Variants in SLC36A2 observed in about 807,000 individuals in gnomAD.
SLC36A2 encodes the protein solute carrier family 36 member 2.
SLC36A2 carries 39 observed loss-of-function variants against 42.7 expected under a neutral mutation model. That is an observed-to-expected ratio of 0.91 (90% CI 0.71 to 1.19). The LOEUF (loss-of-function observed/expected upper bound fraction) is 1.19, where lower values mean the gene tolerates loss of function less well. Ranked by LOEUF, SLC36A2 falls within the 50% of genes most tolerant of loss-of-function variation. The pLI is 0.00. For missense variants in SLC36A2, 590 were observed against 613.7 expected (o/e 0.96, Z 0.41); for synonymous variants, 237 against 240.8 (o/e 0.98, Z 0.15).
intron 8 of SLC36A2, among the ~76,000 whole-genome samples, chr5:151,323,653 G>A (rs1561652051): frequency 6.6e-6 from 1 of 152,190 alleles, no homozygotes; most frequent in Non-Finnish European, 1.5e-5. Flanking sequence ...TTTCCCTGTT[G>A]TCTCCTTCCG....
rs80335201 is a variant in SLC36A2 at position 151,319,159 on chromosome 5, C to G, written c.1181-2071G>C. 461 of 974,024 alleles carry G rather than the reference C, an allele frequency of 4.7e-4. 3 individuals carry two copies. In the African/African-American group the frequency reaches 7.7e-3, roughly 16 times the overall value. 60.3% of individuals were successfully genotyped at this position (974,024 alleles called of 1,614,324 possible). On this transcript the variant is annotated intron_variant, in intron 9 of 9. Transcript: ENST00000335244. ...CTTCAATGAGATTTTTCATGTAAAG[C>G]ATTCAGAAAAGTTATCTTTGCTATT... is the stretch of plus-strand genomic sequence containing the variant.
chr5:151,339,245 T>G, intron 4 of SLC36A2, 101 bp from the exon 5 acceptor site: 1 of 828,516 alleles, frequency 1.2e-6, no homozygotes, highest in Non-Finnish European at 2.0e-6. Context: ...AGGGATTGGT[T>G]GCCCTGTACC....
At chr5:151,318,625 T>C (rs1027374014) in intron 9 of SLC36A2, among the ~76,000 whole-genome samples, 2 of 147,122 alleles carry the variant, frequency 1.4e-5, no homozygotes, top group Admixed American at 6.8e-5. Context: ...TATAAATAAA[T>C]AAATTATTTT....
chr5:151,345,966 C>A (rs1348540404), intron 1 of SLC36A2, among the ~76,000 whole-genome samples: 1 of 152,202 alleles, frequency 6.6e-6, no homozygotes, highest in Non-Finnish European at 1.5e-5. Context: ...GAAGTTCCAG[C>A]ATTTGCTCTA....
At chr5:151,334,361 G>A (rs573117193) in intron 6 of SLC36A2, among the ~76,000 whole-genome samples, 86 of 152,080 alleles carry the variant, frequency 5.7e-4, no homozygotes, top group African/African-American at 2.0e-3. Flanking sequence ...AGGGGCTTCT[G>A]AGACTTAACT....
intron 4 of SLC36A2, among the ~76,000 whole-genome samples, chr5:151,339,533 C>T (rs1299808282): frequency 1.3e-5 from 2 of 152,202 alleles, no homozygotes; most frequent in South Asian, 2.1e-4. Context: ...TGATCTCGAT[C>T]TCCCGACCTC....
chr5:151,339,037 C>A (rs1275359835), intron 5 of SLC36A2, 23 bp downstream of exon 5: 1 of 1,573,210 alleles, frequency 6.4e-7, no homozygotes, highest in Non-Finnish European at 8.7e-7. Flanking sequence ...TTTTCCCCTC[C>A]CGTTTTCTCT....
At position 151,316,140 on chromosome 5, in the gene SLC36A2, G is replaced by C. The variant is rs1479912816; in HGVS notation, c.*677C>G. The C allele has an allele frequency of 6.6e-6, 1 of 152,416 alleles. No homozygotes were observed. The highest frequency in any genetic ancestry group is 2.4e-5 in the African/African-American group (1 of 41,440). 9.4% of individuals were successfully genotyped at this position (152,416 alleles called of 1,614,324 possible). A position where few individuals can be genotyped will look rare whatever the true frequency, so the allele number is the denominator to read the frequency against. ...GGGAAAACCGGTTGTCTGCCAAAGT[G>C]TGGACAGTCTTAGCTGGCTGCATCT... On this transcript the variant is annotated 3_prime_UTR_variant, in exon 10 of 10. Coordinates refer to ENST00000335244, the MANE Select transcript of SLC36A2 (RefSeq NM_181776.3).
chr5:151,316,795 T>TA lies in SLC36A2; in HGVS notation c.*21dup. ...CATATAATTAAAAGTCGGGTGCTGG[T>TA]AGGCAAGGAGCAGTGCCAGGCTCAC... On this transcript the variant is annotated 3_prime_UTR_variant, in exon 10 of 10. Transcript: ENST00000335244. The TA allele has an allele frequency of 6.3e-7, 1 of 1,596,492 alleles. No homozygotes were observed. The highest frequency in any genetic ancestry group is 8.5e-7 in the Non-Finnish European group (1 of 1,170,224).
At chr5:151,333,400 A>G (rs1235672165) in intron 6 of SLC36A2, 78 bp from the exon 7 acceptor site, 2 of 1,217,722 alleles carry the variant, frequency 1.6e-6, no homozygotes, top group Non-Finnish European at 2.4e-6. Flanking sequence ...GTACTCTGAA[A>G]TGAGACCTGA....
intron 5 of SLC36A2, among the ~76,000 whole-genome samples, chr5:151,336,936 A>G (rs1218323690): frequency 6.6e-6 from 1 of 152,156 alleles, no homozygotes; most frequent in Non-Finnish European, 1.5e-5. Context: ...CAATATCACA[A>G]ATTACATATA....
intron 4 of SLC36A2, among the ~76,000 whole-genome samples, chr5:151,340,402 C>T (rs919237912): frequency 3.3e-5 from 5 of 152,128 alleles, no homozygotes; most frequent in Admixed American, 6.5e-5. Context: ...AGGAGACGTT[C>T]GGGACACAAC....
chr5:151,340,965 A>G (rs60131703), intron 4 of SLC36A2, among the ~76,000 whole-genome samples: 12,208 of 152,202 alleles, frequency 0.08, 814 homozygotes, highest in African/African-American at 0.19. Context: ...GTTGGCTACA[A>G]TGGTAAGGTC....
intron 9 of SLC36A2, among the ~76,000 whole-genome samples, chr5:151,318,847 T>G (rs994652734): frequency 6.6e-6 from 1 of 152,136 alleles, no homozygotes; most frequent in African/African-American, 2.4e-5. Flanking sequence ...AATTTTGAAA[T>G]TATATTTTTT....
chr5:151,326,709 C>A (rs77498535), intron 7 of SLC36A2, among the ~76,000 whole-genome samples: 6,397 of 152,264 alleles, frequency 0.042, 455 homozygotes, highest in African/African-American at 0.15. Flanking sequence ...AGACCACCCC[C>A]ACCTTCTCCT....
chr5:151,321,035 A>G (rs545389251), intron 9 of SLC36A2, among the ~76,000 whole-genome samples: 1 of 152,236 alleles, frequency 6.6e-6, no homozygotes, highest in Non-Finnish European at 1.5e-5. Context: ...GTTCTACCTC[A>G]TGATAATTGT....
At chr5:151,317,801 C>A (rs1755546588) in intron 9 of SLC36A2, among the ~76,000 whole-genome samples, 1 of 152,114 alleles carries the variant, frequency 6.6e-6, no homozygotes. Context: ...TTTCCCCTAC[C>A]AACTTAGGGT....
At chr5:151,345,265 T>C (rs1380609544) in intron 1 of SLC36A2, among the ~76,000 whole-genome samples, 5 of 152,208 alleles carry the variant, frequency 3.3e-5, no homozygotes, top group Admixed American at 1.3e-4. Flanking sequence ...AGGAGACTTA[T>C]TCTTTGTAAA....
intron 9 of SLC36A2, chr5:151,319,327 C>G (rs1370977240): frequency 6.4e-6 from 1 of 157,034 alleles, no homozygotes; most frequent in East Asian, 1.9e-4. Flanking sequence ...TTCCTGCATT[C>G]AAGGTCAAAT....
Sources: gnomAD v4.1 joint callset for allele counts (sites outside exome capture counted in the v4.1 genomes callset) on GRCh38, gnomAD v4.1.1 for gene constraint, MANE v1.5 for transcripts, NCBI Gene and HGNC (gene_info 2026-07-23, HGNC 2026-07-21) for gene names.